Variants in INSL6 observed in about 807,000 individuals in gnomAD.
INSL6 encodes the protein insulin like 6, also known as insulin-like peptide INSL6.
A neutral mutation model predicts 9.4 loss-of-function variants in INSL6; 16 were observed. The ratio of observed to expected loss-of-function variants is 1.70; its 90% CI spans 1.15 to 2.59. The LOEUF is 2.59. INSL6 is among the 30% of genes most tolerant of loss of function. INSL6 has a pLI of 0.00. For synonymous variants in INSL6, 154 were observed against 96.9 expected (o/e 1.59, Z -3.46); for missense variants, 391 against 257.3 (o/e 1.52, Z -3.56).
At chr9:5,079,291 T>C in the INSL6 span, among the ~76,000 whole-genome samples, 2 of 152,208 alleles carry the variant, frequency 1.3e-5, no homozygotes, top group Non-Finnish European at 2.9e-5. Context: ...TATTTGTCTG[T>C]CTGTCTATGT....
chr9:5,059,354 T>A, the INSL6 span, among the ~76,000 whole-genome samples: 10 of 152,192 alleles, frequency 6.6e-5, no homozygotes, highest in Non-Finnish European at 1.2e-4. Flanking sequence ...TTTTAGTTAG[T>A]ATAATGTTTG....
At chr9:5,147,754 A>G (rs1005760428) in intron 2 of INSL6, among the ~76,000 whole-genome samples, 4 of 151,984 alleles carry the variant, frequency 2.6e-5, no homozygotes, top group African/African-American at 4.8e-5. Context: ...TTCATTTTTA[A>G]TTCTTTATTT....
At chr9:5,168,164 C>G (rs1354304693) in intron 1 of INSL6, among the ~76,000 whole-genome samples, 2 of 152,162 alleles carry the variant, frequency 1.3e-5, no homozygotes, top group African/African-American at 4.8e-5. Flanking sequence ...GCAAGAGTGC[C>G]TCTTCTCCAA....
At chr9:5,113,871 C>A in the INSL6 span, 2 of 211,626 alleles carry the variant, frequency 9.5e-6, no homozygotes, top group East Asian at 3.1e-4. Flanking sequence ...ACTTCACCCT[C>A]CCCACCGTGA....
chr9:5,172,903 G>C (rs961563952), intron 1 of INSL6, among the ~76,000 whole-genome samples: 6 of 151,776 alleles, frequency 4.0e-5, no homozygotes, highest in African/African-American at 4.8e-5. Context: ...ACTCTAGCCT[G>C]GGTGACAAAG....
At chr9:5,063,654 T>C in the INSL6 span, among the ~76,000 whole-genome samples, 246 of 152,332 alleles carry the variant, frequency 1.6e-3, 1 homozygote, top group African/African-American at 5.6e-3. Context: ...TTTCCTACCA[T>C]GGTTAATCTT....
chr9:5,090,639 T>C, the INSL6 span: 5 of 1,527,302 alleles, frequency 3.3e-6, no homozygotes, highest in Admixed American at 2.2e-5. Context: ...GGAAATCATC[T>C]AGACGTTTTC....
rs145405409 is a variant in INSL6 at position 5,150,164 on chromosome 9, A to C, written c.376+14015T>G. Among the ~76,000 whole-genome samples, 3 of 152,340 alleles carry C rather than the reference A, an allele frequency of 2.0e-5. No homozygotes were observed. In the East Asian group the frequency reaches 5.8e-4, roughly 29 times the overall value. On this transcript the variant is annotated intron_variant, in intron 2 of 3. Coordinates refer to the INSL6 transcript ENST00000649639. ...ACATTCTAGAAGAAAATCTCAGAAA[A>C]ACTTTTCTGGACATAGGTTTAATCA...
the INSL6 span, among the ~76,000 whole-genome samples, chr9:5,011,824 A>C: frequency 6.6e-6 from 1 of 152,162 alleles, no homozygotes; most frequent in East Asian, 1.9e-4. Flanking sequence ...GCTTGGTTTT[A>C]GGCTTTGTTG....
the INSL6 span, among the ~76,000 whole-genome samples, chr9:5,018,946 C>G: frequency 1.3e-5 from 2 of 152,096 alleles, no homozygotes; most frequent in Admixed American, 1.3e-4. Flanking sequence ...AGAATTCTCT[C>G]TTTGTCTTTG....
chr9:5,106,953 C>G, the INSL6 span, among the ~76,000 whole-genome samples: 1 of 152,098 alleles, frequency 6.6e-6, no homozygotes, highest in Non-Finnish European at 1.5e-5. Context: ...ATGGGTGCTG[C>G]AAATCAACAT....
At chr9:5,147,327 C>A (rs571440183) in intron 2 of INSL6, among the ~76,000 whole-genome samples, 1 of 152,092 alleles carries the variant, frequency 6.6e-6, no homozygotes, top group Non-Finnish European at 1.5e-5. Flanking sequence ...CTCCTTGGGT[C>A]GACTGCAGCT....
the INSL6 span, chr9:5,090,840 G>A: frequency 5.0e-5 from 81 of 1,613,104 alleles, no homozygotes; most frequent in Non-Finnish European, 6.4e-5. Flanking sequence ...GAGATTTTGG[G>A]TTAACCAAAG....
At chr9:4,993,048 CA>C in the INSL6 span, among the ~76,000 whole-genome samples, 7 of 152,276 alleles carry the variant, frequency 4.6e-5, no homozygotes, top group Admixed American at 4.6e-4. Flanking sequence ...CTCCAGAGTC[CA>C]AAGGCCCCCT....
At chr9:5,074,567 A>G in the INSL6 span, among the ~76,000 whole-genome samples, 18 of 152,362 alleles carry the variant, frequency 1.2e-4, no homozygotes, top group African/African-American at 4.3e-4. Flanking sequence ...GGCAAACTTC[A>G]TAGATGAATG....
At chr9:5,070,871 TA>T in the INSL6 span, among the ~76,000 whole-genome samples, 239 of 152,162 alleles carry the variant, frequency 1.6e-3, 1 homozygote, top group Middle Eastern at 3.4e-3. Flanking sequence ...AAGAGCAATT[TA>T]AAAGGGCCAG....
At chr9:5,168,947 T>G (rs1221035628) in intron 1 of INSL6, among the ~76,000 whole-genome samples, 1 of 150,366 alleles carries the variant, frequency 6.7e-6, no homozygotes, top group Non-Finnish European at 1.5e-5. Context: ...TTTTTTGAGA[T>G]GGAGTTTCAC....
downstream of INSL6, among the ~76,000 whole-genome samples, chr9:5,161,399 C>A (rs1824923172): frequency 6.6e-6 from 1 of 152,124 alleles, no homozygotes. Flanking sequence ...TAAAACCCCT[C>A]AAAAAATTGA....
At chr9:5,015,938 A>C in the INSL6 span, among the ~76,000 whole-genome samples, 5 of 152,214 alleles carry the variant, frequency 3.3e-5, no homozygotes, top group Non-Finnish European at 5.9e-5. Flanking sequence ...CAAGCTGTAC[A>C]TATATATAGA....
Sources: gnomAD v4.1 joint callset for allele counts (sites outside exome capture counted in the v4.1 genomes callset) on GRCh38, gnomAD v4.1.1 for gene constraint, MANE v1.5 for transcripts, NCBI Gene and HGNC (gene_info 2026-07-23, HGNC 2026-07-21) for gene names.